Variants in OCA2 observed in about 807,000 individuals in gnomAD.
OCA2 encodes the protein P protein.
OCA2 carries 77 observed loss-of-function variants against 100.2 expected under a neutral mutation model. The observed-to-expected ratio is 0.77, with a 90% CI of 0.64 to 0.93. OCA2 has a LOEUF of 0.93. OCA2 is among the 40% of genes least tolerant of loss of function. The pLI, the probability that OCA2 is intolerant of heterozygous loss-of-function variation, is 0.00. For missense variants in OCA2, 1,062 were observed against 1,089.1 expected (o/e 0.98, Z 0.35); for synonymous variants, 432 against 439.2 (o/e 0.98, Z 0.21).
At chr15:27,887,486 C>T (rs923809328) in intron 19 of OCA2, among the ~76,000 whole-genome samples, 15 of 149,826 alleles carry the variant, frequency 1.0e-4, no homozygotes, top group Admixed American at 7.3e-4. Context: ...CAAAGAGATA[C>T]CAGTGACTGG....
At chr15:27,822,663 A>C (rs2034551045) in intron 23 of OCA2, among the ~76,000 whole-genome samples, 1 of 152,114 alleles carries the variant, frequency 6.6e-6, no homozygotes, top group African/African-American at 2.4e-5. Flanking sequence ...GCATCTTTTC[A>C]TATTATTACT....
At chr15:28,063,569 T>C (rs563714420) in intron 2 of OCA2, among the ~76,000 whole-genome samples, 5 of 152,238 alleles carry the variant, frequency 3.3e-5, no homozygotes, top group African/African-American at 9.6e-5. Context: ...TTTTACTATA[T>C]GTTATTTTAG....
At chr15:27,736,223 C>T in the OCA2 span, among the ~76,000 whole-genome samples, 1 of 152,100 alleles carries the variant, frequency 6.6e-6, no homozygotes, top group Non-Finnish European at 1.5e-5. Flanking sequence ...TGTGCATTTT[C>T]AGAAGAATTT....
intron 17 of OCA2, among the ~76,000 whole-genome samples, chr15:27,954,568 G>A (rs1567151154): frequency 6.6e-6 from 1 of 152,116 alleles, no homozygotes; most frequent in Non-Finnish European, 1.5e-5. Flanking sequence ...AAAACAAACT[G>A]CATGGATCTG....
At chr15:27,906,066 A>G (rs2038164957) in intron 19 of OCA2, among the ~76,000 whole-genome samples, 1 of 152,224 alleles carries the variant, frequency 6.6e-6, no homozygotes, top group South Asian at 2.1e-4. Flanking sequence ...TTTAATGGGT[A>G]CAAAAAATAG....
intron 6 of OCA2, among the ~76,000 whole-genome samples, chr15:28,022,057 T>C (rs1031431772): frequency 2.0e-5 from 3 of 152,182 alleles, no homozygotes; most frequent in African/African-American, 7.2e-5. Context: ...TCCTACAGGA[T>C]GTGTATGACT....
chr15:27,997,162 G>GAAA (rs1379670096), intron 9 of OCA2, among the ~76,000 whole-genome samples: 29 of 142,536 alleles, frequency 2.0e-4, no homozygotes, highest in Middle Eastern at 3.9e-3. Context: ...AAGAAAGAAA[G>GAAA]GAAGGAAGGA....
At chr15:27,728,155 A>T in the OCA2 span, among the ~76,000 whole-genome samples, 52 of 152,334 alleles carry the variant, frequency 3.4e-4, no homozygotes, top group African/African-American at 1.2e-3. Flanking sequence ...TAGGACTCTG[A>T]CAATAATCCA....
chr15:27,981,714 G>A (rs756509912), intron 14 of OCA2, among the ~76,000 whole-genome samples: 6 of 152,088 alleles, frequency 3.9e-5, no homozygotes, highest in East Asian at 1.9e-4. Context: ...TGTTCTCCCC[G>A]GGTCTCATGT....
At chr15:27,991,925 G>C (rs1284996324) in intron 9 of OCA2, among the ~76,000 whole-genome samples, 2 of 152,070 alleles carry the variant, frequency 1.3e-5, no homozygotes, top group Non-Finnish European at 2.9e-5. Flanking sequence ...ATAATGTGTA[G>C]TACTAGATTC....
At chr15:27,730,329 C>T in the OCA2 span, among the ~76,000 whole-genome samples, 1 of 152,108 alleles carries the variant, frequency 6.6e-6, no homozygotes. Flanking sequence ...CTGGCCTCTG[C>T]AGGTTGGAAG....
At chr15:27,765,218 G>T (rs1261338108) in intron 23 of OCA2, among the ~76,000 whole-genome samples, 1 of 152,148 alleles carries the variant, frequency 6.6e-6, no homozygotes, top group African/African-American at 2.4e-5. Flanking sequence ...ATCAAAAGCT[G>T]AGAGAGCCAG....
At chr15:28,007,869 T>A (rs901185709) in intron 9 of OCA2, among the ~76,000 whole-genome samples, 2 of 152,114 alleles carry the variant, frequency 1.3e-5, no homozygotes, top group Non-Finnish European at 2.9e-5. Context: ...CATCAAGCTA[T>A]TAAAAGACCT....
At chr15:27,850,243 G>A (rs894208371) in intron 22 of OCA2, among the ~76,000 whole-genome samples, 11 of 152,106 alleles carry the variant, frequency 7.2e-5, no homozygotes, top group African/African-American at 2.4e-4. Flanking sequence ...TCAGGGCCCT[G>A]TGCACTCAGG....
chr15:28,051,492 A>G (rs1373445593), intron 2 of OCA2, among the ~76,000 whole-genome samples: 14 of 149,862 alleles, frequency 9.3e-5, no homozygotes, highest in Admixed American at 8.7e-4. Flanking sequence ...GGGTTTCTCC[A>G]TGTTGATCAG....
At chr15:27,915,916 T>G (rs1482253896) in intron 19 of OCA2, among the ~76,000 whole-genome samples, 1 of 152,128 alleles carries the variant, frequency 6.6e-6, no homozygotes, top group Non-Finnish European at 1.5e-5. Flanking sequence ...CACAGCACTA[T>G]TCACAATAGC....
At chr15:27,727,725 C>T in the OCA2 span, among the ~76,000 whole-genome samples, 4,927 of 152,270 alleles carry the variant, frequency 0.032, 133 homozygotes, top group East Asian at 0.16. Flanking sequence ...GTATTCTAAA[C>T]GATCATGGCC....
chr15:27,758,585 C>A (rs960565166), intron 23 of OCA2, among the ~76,000 whole-genome samples: 3 of 152,054 alleles, frequency 2.0e-5, no homozygotes. Context: ...CTTCAACAAG[C>A]AATGACAAAC....
At chr15:27,991,490 G>A (rs1009386964) in intron 9 of OCA2, among the ~76,000 whole-genome samples, 4 of 152,062 alleles carry the variant, frequency 2.6e-5, no homozygotes, top group African/African-American at 7.2e-5. Context: ...AGATGGGGTC[G>A]GTCCATCTAT....
Sources: gnomAD v4.1 joint callset for allele counts (sites outside exome capture counted in the v4.1 genomes callset) on GRCh38, gnomAD v4.1.1 for gene constraint, MANE v1.5 for transcripts, NCBI Gene and HGNC (gene_info 2026-07-23, HGNC 2026-07-21) for gene names.